The following TOP1MT variants were observed in gnomAD, a reference collection of about 807,000 sequenced individuals.
The protein encoded by TOP1MT is DNA topoisomerase I, mitochondrial.
In TOP1MT, 80 loss-of-function variants were observed where a neutral mutation model predicts 73.9. That is an observed-to-expected ratio of 1.08 (90% CI 0.90 to 1.30). TOP1MT has a LOEUF of 1.30. Among genes scored for constraint, TOP1MT ranks in the 50% most tolerant of loss-of-function variants. TOP1MT has a pLI of 0.00. For missense variants in TOP1MT, 815 were observed against 808.0 expected (o/e 1.01, Z -0.10); for synonymous variants, 338 against 326.4 (o/e 1.04, Z -0.38).
intron 1 of TOP1MT, among the ~76,000 whole-genome samples, chr8:143,352,704 G>A (rs1817341641): frequency 6.6e-6 from 1 of 152,176 alleles, no homozygotes; most frequent in Non-Finnish European, 1.5e-5. Flanking sequence ...ATAGTTCACT[G>A]CAGCCTTGAA....
At chr8:143,331,380 C>T (rs753052985) in intron 1 of TOP1MT, 41 bp from the exon 2 acceptor site, 8 of 1,552,174 alleles carry the variant, frequency 5.2e-6, no homozygotes, top group Non-Finnish European at 1.8e-6. Flanking sequence ...CTGGGCCAGG[C>T]CCTGCATGAG....
chr8:143,320,717 G>A (rs899328164), intron 8 of TOP1MT, among the ~76,000 whole-genome samples: 2 of 152,228 alleles, frequency 1.3e-5, no homozygotes, highest in African/African-American at 4.8e-5. Flanking sequence ...ATGTGACAAC[G>A]GAGGCAGAGA....
chr8:143,319,819 C>CTTT (rs561586169), intron 8 of TOP1MT, among the ~76,000 whole-genome samples: 7 of 146,300 alleles, frequency 4.8e-5, no homozygotes, highest in Non-Finnish European at 6.0e-5. Flanking sequence ...AGAATGTAAC[C>CTTT]TTTTTTTTTT....
At chr8:143,343,279 G>A (rs535336476) in exon 2 of TOP1MT, 2 of 456,272 alleles carry the variant, frequency 4.4e-6, no homozygotes, top group East Asian at 6.9e-5. Flanking sequence ...GTGGTGATCT[G>A]TGCAAATCTA....
At position 143,341,712 on chromosome 8, in the gene TOP1MT, C is replaced by T. The variant is rs563772055; in HGVS notation, c.29+1508G>A. On this transcript the variant is annotated intron_variant, in intron 2 of 5. Coordinates refer to the TOP1MT transcript ENST00000518007. The surrounding 1 kb of genome is among the most constrained non-coding windows in gnomAD (Gnocchi z 4.1). ...TCCCAACTCCGGAGCAGGTGCAGGCCGCAACAGGCCATACTGCCAGCGTCC... is the reference window on the plus strand; with the variant it reads ...TCCCAACTCCGGAGCAGGTGCAGGCTGCAACAGGCCATACTGCCAGCGTCC... 6.7e-4 allele frequency among the ~76,000 whole-genome samples: 102 copies of T among 152,312 alleles called. No homozygotes were observed. The highest frequency in any genetic ancestry group is 2.3e-3 in the African/African-American group (96 of 41,578).
rs770202242 is a variant in TOP1MT at position 143,316,139 on chromosome 8, G to T, written c.1331-13C>A. 1.9e-6 allele frequency: 3 copies of T among 1,613,844 alleles called. No homozygotes were observed. In the African/African-American group the frequency reaches 4.0e-5, roughly 22 times the overall value. On this transcript the variant is annotated splice_polypyrimidine_tract_variant and intron_variant, in intron 10 of 13. Transcript: ENST00000329245. ...ATGCTGTCCTCGGCTGAGAGGCACG[G>T]GCTGTCAGAGGCAGCACCCACGGGG...
chr8:143,322,641 C>T (rs1353039048), intron 7 of TOP1MT, among the ~76,000 whole-genome samples: 1 of 47,484 alleles, frequency 2.1e-5, no homozygotes. Context: ...CACACACACA[C>T]GCCACACGCA....
intron 3 of TOP1MT, chr8:143,327,158 G>A (rs1816729177): frequency 6.6e-6 from 1 of 152,318 alleles, no homozygotes; most frequent in Non-Finnish European, 1.5e-5. Flanking sequence ...AAGCACAGCA[G>A]AAAACAGTTT....
At chr8:143,356,317 C>CA (rs1186885372), upstream of TOP1MT, among the ~76,000 whole-genome samples, 1 of 152,258 alleles carries the variant, frequency 6.6e-6, no homozygotes, top group Non-Finnish European at 1.5e-5. Flanking sequence ...GTGCAGTCCC[C>CA]ACACCTAACT....
chr8:143,355,084 A>T (rs577727796), intron 1 of TOP1MT, among the ~76,000 whole-genome samples: 60 of 152,302 alleles, frequency 3.9e-4, no homozygotes, highest in African/African-American at 1.4e-3. Context: ...TTAGAATTAC[A>T]TTCCCAGCTC....
chr8:143,330,704 C>T (rs1245527891), intron 2 of TOP1MT, among the ~76,000 whole-genome samples: 1 of 152,148 alleles, frequency 6.6e-6, no homozygotes, highest in Admixed American at 6.5e-5. Context: ...AGCCAAAGCT[C>T]CTGGGCCCTG....
At chr8:143,328,564 C>T (rs1816764691) in intron 3 of TOP1MT, among the ~76,000 whole-genome samples, 1 of 152,250 alleles carries the variant, frequency 6.6e-6, no homozygotes, top group Admixed American at 6.5e-5. Flanking sequence ...CCTGGTGTTG[C>T]TAGTAAGCTG....
At chr8:143,356,963 G>A (rs537975768), upstream of TOP1MT, among the ~76,000 whole-genome samples, 12 of 149,264 alleles carry the variant, frequency 8.0e-5, no homozygotes, top group Non-Finnish European at 1.3e-4. Flanking sequence ...GTGTGGTGGC[G>A]GGCGCCTTTA....
intron 2 of TOP1MT, among the ~76,000 whole-genome samples, chr8:143,330,187 G>A (rs1816814449): frequency 6.6e-6 from 1 of 152,242 alleles, no homozygotes; most frequent in South Asian, 2.1e-4. Flanking sequence ...GGCCCGAGGG[G>A]CTCAGCTCCC....
chr8:143,358,788 AAC>A (rs1817455238), upstream of TOP1MT: 1 of 152,118 alleles, frequency 6.6e-6, no homozygotes, highest in Non-Finnish European at 1.5e-5. Context: ...TGACACCGAA[AAC>A]ACAGCAGCAG....
In TOP1MT at chr8:143,321,325, C is replaced by T. The variant is rs748066914; in HGVS notation, c.1022G>A (p.Cys341Tyr). 8 of 1,606,594 alleles carry T rather than the reference C, an allele frequency of 5.0e-6. No individual in the cohort carries two copies. Among genetic ancestry groups the T allele is most frequent in the African/African-American group, 1.3e-5 (1 of 74,706 alleles). The change falls in exon 8 of 14, where the codon TGT becomes TAT. Residue 341 changes from cysteine to tyrosine, a missense_variant. Coordinates refer to ENST00000329245, the MANE Select transcript of TOP1MT (RefSeq NM_052963.3). ...DGEAADTVGCCSLRVEHVQLH... is the reference protein window; with the variant it reads ...DGEAADTVGCYSLRVEHVQLH... ...CTGGACGTGCTCCACGCGGAGGGAACAGCAGCCCACGGTGTCGGCCGCCTC... is the reference window on the plus strand; with the variant it reads ...CTGGACGTGCTCCACGCGGAGGGAATAGCAGCCCACGGTGTCGGCCGCCTC...
rs776951760 is a variant in TOP1MT at position 143,321,240 on chromosome 8, G to C, written c.1107C>G (p.Asp369Glu). The C allele has an allele frequency of 1.9e-6, 3 of 1,611,898 alleles. No individual in the cohort carries two copies. The highest frequency in any genetic ancestry group is 2.7e-5 in the African/African-American group (2 of 74,950). The part of the protein sequence containing the change: ...HVVEFDFLGK[D>E]CIRYYNRVPV... The stretch of plus-strand genomic sequence containing the variant: ...GCACTCTGTTGTAGTAGCGGATGCA[G>C]TCCTTCCCCAGGAAGTCAAATTCCA... The change falls in exon 8 of 14, where the codon GAC (aspartate) becomes GAG (glutamate). Residue 369 changes from aspartate (D) to glutamate (E), a missense_variant. By Grantham distance (45) the Asp-to-Glu change is conservative (BLOSUM62 2). Transcript: ENST00000329245.
chr8:143,338,873 C>A (rs1242169665), upstream of TOP1MT, among the ~76,000 whole-genome samples: 1 of 152,230 alleles, frequency 6.6e-6, no homozygotes, highest in Non-Finnish European at 1.5e-5. Flanking sequence ...GGTTGGCGGC[C>A]TCCTCCCCTT....
At chr8:143,335,498 C>A (rs1816967282), upstream of TOP1MT, among the ~76,000 whole-genome samples, 1 of 152,244 alleles carries the variant, frequency 6.6e-6, no homozygotes, top group Non-Finnish European at 1.5e-5. Context: ...ACAGCTGGAG[C>A]CTCCTTCCTG....
Sources: allele counts gnomAD v4.1 joint callset (sites outside exome capture counted in the v4.1 genomes callset), GRCh38; gene constraint gnomAD v4.1.1; non-coding constraint Gnocchi (gnomAD v3.1); transcripts MANE v1.5; gene names NCBI Gene and HGNC (gene_info 2026-07-23, HGNC 2026-07-21).